The following TMEM132D variants were observed in gnomAD, a reference collection of about 807,000 sequenced individuals.
TMEM132D encodes the protein mature OL transmembrane protein.
TMEM132D carries 21 observed loss-of-function variants against 62.3 expected under a neutral mutation model. That is an observed-to-expected ratio of 0.34 (90% confidence interval 0.24 to 0.49). TMEM132D has a LOEUF of 0.49. Among genes scored for constraint, TMEM132D ranks in the 20% least tolerant of loss-of-function variants. The pLI, the probability that TMEM132D is intolerant of heterozygous loss-of-function variation, is 0.99. For synonymous variants in TMEM132D, 621 were observed against 575.6 expected (o/e 1.08, Z -1.13); for missense variants, 1,346 against 1,402.8 (o/e 0.96, Z 0.65).
chr12:129,859,682 G>C (rs187545609), intron 1 of TMEM132D, among the ~76,000 whole-genome samples: 27 of 152,286 alleles, frequency 1.8e-4, no homozygotes, highest in Admixed American at 1.6e-3. Context: ...CTGGGTTCCT[G>C]AATCTTCTGG....
chr12:129,408,036 C>T (rs11060324), intron 3 of TMEM132D, among the ~76,000 whole-genome samples: 394 of 152,288 alleles, frequency 2.6e-3, no homozygotes, highest in Non-Finnish European at 5.0e-3. Context: ...CTCTCACAGT[C>T]TTTCTGCTGC....
At chr12:129,238,718 C>T (rs1398611533) in intron 4 of TMEM132D, among the ~76,000 whole-genome samples, 1 of 152,198 alleles carries the variant, frequency 6.6e-6, no homozygotes, top group Admixed American at 6.5e-5. Flanking sequence ...ATTGCTCATC[C>T]GTTCATCCAC....
chr12:129,782,848 G>A (rs1871158406), intron 1 of TMEM132D, among the ~76,000 whole-genome samples: 2 of 145,418 alleles, frequency 1.4e-5, no homozygotes, highest in African/African-American at 2.5e-5. Context: ...GCCTCCCCTC[G>A]AGGCGTAGGA....
At chr12:129,676,471 G>A (rs962354292) in intron 2 of TMEM132D, among the ~76,000 whole-genome samples, 6 of 152,110 alleles carry the variant, frequency 3.9e-5, no homozygotes, top group South Asian at 2.1e-4. Flanking sequence ...TTTGGCTCAC[G>A]GTTCTGCAGG....
intron 2 of TMEM132D, among the ~76,000 whole-genome samples, chr12:129,588,794 G>A (rs780351301): frequency 1.5e-4 from 21 of 135,960 alleles, no homozygotes; most frequent in Admixed American, 4.9e-4. Context: ...GGGTTTCACC[G>A]TGTTATACTC....
intron 3 of TMEM132D, among the ~76,000 whole-genome samples, chr12:129,492,965 C>T (rs111358994): frequency 5.9e-5 from 9 of 152,206 alleles, no homozygotes; most frequent in African/African-American, 9.6e-5. Flanking sequence ...TGGATAGCGG[C>T]GCCAAGTCAC....
chr12:129,508,319 A>G (rs1268011220), intron 3 of TMEM132D, among the ~76,000 whole-genome samples: 1 of 152,214 alleles, frequency 6.6e-6, no homozygotes, highest in Non-Finnish European at 1.5e-5. Context: ...AACTGGGAAT[A>G]TTTGTGGAGA....
At chr12:129,731,693 C>A (rs557015390) in intron 1 of TMEM132D, among the ~76,000 whole-genome samples, 24 of 151,268 alleles carry the variant, frequency 1.6e-4, no homozygotes, top group Non-Finnish European at 4.4e-5. Context: ...GACGGAGTCT[C>A]GCTCTGTCGC....
intron 5 of TMEM132D, among the ~76,000 whole-genome samples, chr12:129,172,789 G>A (rs1368083341): frequency 2.0e-5 from 3 of 152,096 alleles, no homozygotes; most frequent in Admixed American, 2.0e-4. Context: ...TGTTGGTCAG[G>A]CTGGTCTCAA....
At chr12:129,823,482 T>C (rs1362038010) in intron 1 of TMEM132D, among the ~76,000 whole-genome samples, 1 of 152,260 alleles carries the variant, frequency 6.6e-6, no homozygotes, top group Non-Finnish European at 1.5e-5. Flanking sequence ...AAAATCCACA[T>C]TTCCGTGGAC....
chr12:129,453,453 C>T (rs1394714012), intron 3 of TMEM132D, among the ~76,000 whole-genome samples: 1 of 152,216 alleles, frequency 6.6e-6, no homozygotes, highest in Admixed American at 6.5e-5. Flanking sequence ...TTTCTACTAA[C>T]AGCACAATTT....
chr12:129,582,125 C>T (rs1877882015), intron 2 of TMEM132D, among the ~76,000 whole-genome samples: 1 of 152,330 alleles, frequency 6.6e-6, no homozygotes, highest in South Asian at 2.1e-4. Context: ...CTGCTTTTTA[C>T]ATTGTGTCAG....
chr12:129,285,715 T>C (rs1396466383), intron 4 of TMEM132D, among the ~76,000 whole-genome samples: 1 of 152,112 alleles, frequency 6.6e-6, no homozygotes, highest in African/African-American at 2.4e-5. Flanking sequence ...AGCACAGCCA[T>C]TTACATTTAA....
chr12:129,588,152 C>T (rs1331130460), intron 2 of TMEM132D, among the ~76,000 whole-genome samples: 1 of 152,224 alleles, frequency 6.6e-6, no homozygotes, highest in Non-Finnish European at 1.5e-5. Flanking sequence ...TGTGGATTTA[C>T]ATAAATCATT....
intron 4 of TMEM132D, among the ~76,000 whole-genome samples, chr12:129,271,183 G>A (rs1440408412): frequency 1.3e-5 from 2 of 151,976 alleles, no homozygotes; most frequent in Non-Finnish European, 2.9e-5. Context: ...ACTGACTGAT[G>A]GGGATTTGTT....
intron 5 of TMEM132D, chr12:129,109,646 T>C (rs1211704705): frequency 1.3e-5 from 2 of 157,632 alleles, no homozygotes; most frequent in African/African-American, 2.4e-5. Context: ...CTGATGGGTT[T>C]ATCCGGTGTT....
chr12:129,479,238 T>C (rs2137052190), intron 3 of TMEM132D, among the ~76,000 whole-genome samples: 1 of 152,338 alleles, frequency 6.6e-6, no homozygotes, highest in South Asian at 2.1e-4. Flanking sequence ...GACCACTTTC[T>C]TTTCATTAAG....
At position 129,072,215 on chromosome 12, in the gene TMEM132D, G is replaced by C. The variant is rs1593249862; in HGVS notation, c.*1660C>G. The C allele has an allele frequency of 6.6e-6, 1 of 152,568 alleles. No homozygotes were observed. Among genetic ancestry groups the C allele is most frequent in the East Asian group, 1.9e-4 (1 of 5,182 alleles). The allele number at this position is 152,568 out of a possible 1,614,324, so 9.5% of individuals were successfully genotyped here. On this transcript the variant is annotated 3_prime_UTR_variant, in exon 9 of 9. Transcript: ENST00000422113. ...AGAGAGATACAGAGACAGACACACA[G>C]AGAGACTGGAAAACAGACAACTGAA...
intron 1 of TMEM132D, among the ~76,000 whole-genome samples, chr12:129,751,471 C>G (rs1192747623): frequency 6.6e-6 from 1 of 152,164 alleles, no homozygotes; most frequent in Admixed American, 6.5e-5. Context: ...TGGGGACACA[C>G]AGCCAAACCA....
Sources: gnomAD v4.1 joint callset for allele counts (sites outside exome capture counted in the v4.1 genomes callset) on GRCh38, gnomAD v4.1.1 for gene constraint, MANE v1.5 for transcripts, NCBI Gene and HGNC (gene_info 2026-07-23, HGNC 2026-07-21) for gene names.